CTIF: variants seen among roughly 807,000 people sequenced by gnomAD.
CTIF encodes CBP80/20-dependent translation initiation factor.
A neutral mutation model predicts 66.0 loss-of-function variants in CTIF; 21 were observed. The ratio of observed to expected loss-of-function variants is 0.32; its 90% CI spans 0.23 to 0.46. CTIF has a LOEUF of 0.46. Ranked by LOEUF, CTIF falls within the 20% of genes least tolerant of loss-of-function variation. The pLI is 1.00. For synonymous variants in CTIF, 345 were observed against 326.4 expected (o/e 1.06, Z -0.62); for missense variants, 739 against 812.7 (o/e 0.91, Z 1.10).
intron 1 of CTIF, among the ~76,000 whole-genome samples, chr18:48,575,221 CTTTACATCT>C (rs1406628509): frequency 6.6e-6 from 1 of 152,186 alleles, no homozygotes; most frequent in African/African-American, 2.4e-5. Flanking sequence ...TTACCAGGGA[CTTTACATCT>C]TTTACATCTT....
At chr18:48,579,177 G>A (rs1306972973) in intron 1 of CTIF, among the ~76,000 whole-genome samples, 1 of 152,048 alleles carries the variant, frequency 6.6e-6, no homozygotes, top group African/African-American at 2.4e-5. Flanking sequence ...GCCCAGGCTG[G>A]AGTGCAGTGG....
intron 10 of CTIF, among the ~76,000 whole-genome samples, chr18:48,837,823 G>A (rs368619267): frequency 1.6e-3 from 241 of 152,198 alleles, no homozygotes; most frequent in African/African-American, 5.4e-3. Context: ...CCTGCTCCCA[G>A]ATGCCCTGAG....
At chr18:48,846,286 C>A in intron 10 of CTIF, among the ~76,000 whole-genome samples, 1 of 152,246 alleles carries the variant, frequency 6.6e-6, no homozygotes, top group African/African-American at 2.4e-5. Context: ...GAGTTCTCCA[C>A]CACCGCTATT....
intron 10 of CTIF, among the ~76,000 whole-genome samples, chr18:48,821,782 C>G (rs977201489): frequency 6.6e-6 from 1 of 152,164 alleles, no homozygotes; most frequent in Non-Finnish European, 1.5e-5. Context: ...GCTTAGCAAG[C>G]TCCTTTTTAT....
chr18:48,730,660 CGG>C (rs2092444937), intron 7 of CTIF, among the ~76,000 whole-genome samples: 3 of 119,198 alleles, frequency 2.5e-5, no homozygotes, highest in Non-Finnish European at 3.8e-5. Flanking sequence ...GGGGCTTCTG[CGG>C]TGTGAGGGGC....
rs944838033 is a variant in CTIF at position 48,730,634 on chromosome 18, G to A, written c.584+18939G>A. Among the ~76,000 whole-genome samples the A allele has an allele frequency of 8.5e-3, 504 of 59,640 alleles. 127 individuals are homozygous for A. Among genetic ancestry groups the A allele is most frequent in the Admixed American group, 0.01 (66 of 6,574 alleles). The allele number at this position is 59,640 out of a possible 152,430, so 39.1% of individuals were successfully genotyped here. On this transcript the variant is annotated intron_variant, in intron 7 of 11. Coordinates refer to ENST00000256413, the MANE Select transcript of CTIF (RefSeq NM_014772.3). ...TGTGAGGGGCTCCTGCGGTGTGAGG[G>A]GCCCCTGTGGTGTGAGGGGCTTCTG...
At chr18:48,805,498 G>T (rs1439937411) in intron 9 of CTIF, among the ~76,000 whole-genome samples, 1 of 152,138 alleles carries the variant, frequency 6.6e-6, no homozygotes, top group Non-Finnish European at 1.5e-5. Context: ...CTCGGGGTTG[G>T]GGTGGAGCTA....
chr18:48,658,220 A>ATG (rs554908004), intron 3 of CTIF, among the ~76,000 whole-genome samples: 8 of 150,538 alleles, frequency 5.3e-5, no homozygotes, highest in East Asian at 2.0e-4. Context: ...GGGTGTGGAT[A>ATG]TGTGTGTGTG....
chr18:48,643,831 T>C (rs991356133), intron 3 of CTIF, among the ~76,000 whole-genome samples: 7 of 152,192 alleles, frequency 4.6e-5, no homozygotes, highest in Non-Finnish European at 8.8e-5. Flanking sequence ...CAGTGAATTC[T>C]GAAACATCAT....
intron 10 of CTIF, among the ~76,000 whole-genome samples, chr18:48,856,122 G>T (rs1177453130): frequency 6.6e-6 from 1 of 152,238 alleles, no homozygotes; most frequent in East Asian, 1.9e-4. Flanking sequence ...AGCAAAGAGG[G>T]CTGTGGTAGG....
At chr18:48,603,078 G>T (rs1055684544) in intron 1 of CTIF, among the ~76,000 whole-genome samples, 1 of 151,540 alleles carries the variant, frequency 6.6e-6, no homozygotes, top group Non-Finnish European at 1.5e-5. Context: ...TGGATGGATG[G>T]ATGGATGGAT....
chr18:48,689,487 C>A (rs1158603773), intron 6 of CTIF, among the ~76,000 whole-genome samples: 2 of 152,158 alleles, frequency 1.3e-5, no homozygotes, highest in Non-Finnish European at 2.9e-5. Flanking sequence ...GAGTTGAGAA[C>A]CTTTCAGCTA....
chr18:48,841,842 A>G (rs984510803), intron 10 of CTIF, among the ~76,000 whole-genome samples: 2 of 151,968 alleles, frequency 1.3e-5, no homozygotes, highest in African/African-American at 4.8e-5. Context: ...CTCTCAGGGA[A>G]GGATTCCAGA....
intron 1 of CTIF, among the ~76,000 whole-genome samples, chr18:48,592,448 G>C (rs2089905294): frequency 6.7e-6 from 1 of 149,588 alleles, no homozygotes; most frequent in Admixed American, 6.7e-5. Flanking sequence ...GGTGAGCCGA[G>C]ATTGCGCCAT....
chr18:48,792,661 C>A (rs1473234055), intron 9 of CTIF, among the ~76,000 whole-genome samples: 1 of 152,232 alleles, frequency 6.6e-6, no homozygotes, highest in South Asian at 2.1e-4. Flanking sequence ...GGTCTACTTT[C>A]AAGGAAGAGC....
chr18:48,761,447 G>A lies in CTIF; in HGVS notation c.1129G>A (p.Glu377Lys), dbSNP rs553095841. Residue 377 changes from glutamate to lysine, a missense_variant, in exon 9 of 12, where the codon GAG (glutamate) becomes AAG (lysine). Physicochemically the swap from Glu to Lys is moderately conservative, Grantham distance 56 (BLOSUM62 1). Coordinates refer to ENST00000256413, the MANE Select transcript of CTIF (RefSeq NM_014772.3). The surrounding 1 kb of genome is among the most constrained non-coding windows in gnomAD (Gnocchi z 4.2). ...GCAGAACAAGATGGACAAGCTGATCGAGATCCTGAACAGCATGCGGAACAA... is the reference window on the plus strand; with the variant it reads ...GCAGAACAAGATGGACAAGCTGATCAAGATCCTGAACAGCATGCGGAACAA... The part of the protein sequence containing the change: ...PQQNKMDKLI[E>K]ILNSMRNNSS... 38 of 1,613,994 alleles carry A rather than the reference G, an allele frequency of 2.4e-5. No homozygotes were observed. Among genetic ancestry groups the A allele is most frequent in the African/African-American group, 8.0e-5 (6 of 74,926 alleles).
rs1323479962 is a variant in CTIF at position 48,561,819 on chromosome 18, CCA to C, written c.-29+22509_-29+22510del. 3.3e-5 allele frequency among the ~76,000 whole-genome samples: 5 copies of C among 152,302 alleles called. No individual in the cohort carries two copies. The East Asian group carries it at 9.6e-4, about 29-fold the overall frequency. ...TTCCAGCTGTGTCAGATAATTACCC[CCA>C]CTCTATTTTTCTCATCGGTAAAATA... On this transcript the variant is annotated intron_variant, in intron 1 of 11. Coordinates refer to ENST00000256413, the MANE Select transcript of CTIF (RefSeq NM_014772.3).
chr18:48,585,100 G>C (rs2089738175), intron 1 of CTIF, among the ~76,000 whole-genome samples: 2 of 152,220 alleles, frequency 1.3e-5, no homozygotes, highest in African/African-American at 2.4e-5. Context: ...CCTGCGGATG[G>C]GGCAGAGGTG....
chr18:48,635,690 C>T (rs1415163187), intron 2 of CTIF, among the ~76,000 whole-genome samples: 1 of 152,162 alleles, frequency 6.6e-6, no homozygotes, highest in Non-Finnish European at 1.5e-5. Flanking sequence ...GCTCCGGAGG[C>T]TACCTAATGT....
Sources: gnomAD v4.1 joint callset for allele counts (sites outside exome capture counted in the v4.1 genomes callset) on GRCh38, gnomAD v4.1.1 for gene constraint, Gnocchi (gnomAD v3.1) non-coding constraint, MANE v1.5 for transcripts, NCBI Gene and HGNC (gene_info 2026-07-23, HGNC 2026-07-21) for gene names.